FANCB: variants seen among roughly 807,000 people sequenced by gnomAD.
The protein encoded by FANCB is Fanconi anemia group B protein.
FANCB carries 5 observed loss-of-function variants against 38.9 expected under a neutral mutation model. The observed-to-expected ratio is 0.13, with a 90% CI of 0.07 to 0.27. The LOEUF (loss-of-function observed/expected upper bound fraction) is 0.27, where lower values mean the gene tolerates loss of function less well. Ranked by LOEUF, FANCB falls within the 10% of genes least tolerant of loss-of-function variation. The pLI is 1.00. For missense variants in FANCB, 573 were observed against 602.7 expected (o/e 0.95, Z 0.52); for synonymous variants, 236 against 215.4 (o/e 1.10, Z -0.84).
At chrX:14,725,999 A>G in the FANCB span, among the ~76,000 whole-genome samples, 1 of 112,485 alleles carries the variant, frequency 8.9e-6, no homozygotes, top group East Asian at 2.8e-4. Context: ...CTCAGTTACT[A>G]AAGATGGAAG....
At chrX:14,702,946 C>T in the FANCB span, among the ~76,000 whole-genome samples, 1 of 110,934 alleles carries the variant, frequency 9.0e-6, no homozygotes, top group Non-Finnish European at 1.9e-5. Flanking sequence ...AGAGGGGGCT[C>T]ACTTGTCTAG....
chrX:14,728,472 T>G, the FANCB span, among the ~76,000 whole-genome samples: 1 of 112,121 alleles, frequency 8.9e-6, no homozygotes, highest in Admixed American at 9.5e-5. Flanking sequence ...TACTAATGTA[T>G]CAAGCAAATG....
the FANCB span, among the ~76,000 whole-genome samples, chrX:14,817,100 C>T: frequency 9.0e-6 from 1 of 111,319 alleles, no homozygotes; most frequent in Non-Finnish European, 1.9e-5. Context: ...GAGAATTCCC[C>T]ACTGTTTTTA....
chrX:14,824,890 G>A, the FANCB span, among the ~76,000 whole-genome samples: 57 of 111,963 alleles, frequency 5.1e-4, no homozygotes, highest in Non-Finnish European at 9.0e-4. Flanking sequence ...TCCATGTTCT[G>A]TCCAAATATT....
chrX:14,798,027 T>C, the FANCB span, among the ~76,000 whole-genome samples: 16 of 112,088 alleles, frequency 1.4e-4, no homozygotes, highest in Non-Finnish European at 2.6e-4. Context: ...AGCCTTAATG[T>C]TATACCATAT....
At chrX:14,707,079 G>A in the FANCB span, among the ~76,000 whole-genome samples, 14 of 111,628 alleles carry the variant, frequency 1.3e-4, no homozygotes, top group Non-Finnish European at 2.3e-4. Context: ...TCCCAGCCAA[G>A]TACCCTATCC....
chrX:14,782,468 C>T, the FANCB span, among the ~76,000 whole-genome samples: 2 of 112,355 alleles, frequency 1.8e-5, no homozygotes, highest in Non-Finnish European at 3.8e-5. Flanking sequence ...CATTTTAACA[C>T]GAGACTCTGA....
the FANCB span, among the ~76,000 whole-genome samples, chrX:14,821,965 CG>C: frequency 1.8e-5 from 2 of 111,901 alleles, no homozygotes; most frequent in Admixed American, 9.5e-5. Context: ...TTTGAAGAGA[CG>C]GGAGAAATCC....
chrX:14,714,635 G>T, the FANCB span, among the ~76,000 whole-genome samples: 32 of 111,700 alleles, frequency 2.9e-4, no homozygotes, highest in Non-Finnish European at 7.5e-5. Flanking sequence ...CCCCACTACT[G>T]GGGGTGAAGT....
intron 2 of FANCB, among the ~76,000 whole-genome samples, chrX:14,866,805 T>C (rs1453793834): frequency 2.7e-5 from 3 of 111,854 alleles, no homozygotes; most frequent in Non-Finnish European, 5.7e-5. Context: ...CTGTCCTTGT[T>C]TGCAGATGCC....
the FANCB span, among the ~76,000 whole-genome samples, chrX:14,798,195 C>T: frequency 2.8e-5 from 3 of 108,377 alleles, no homozygotes; most frequent in African/African-American, 1.0e-4. Flanking sequence ...GTTGCTCAGG[C>T]TGGAATGCGG....
At chrX:14,775,602 T>G in the FANCB span, among the ~76,000 whole-genome samples, 1 of 111,861 alleles carries the variant, frequency 8.9e-6, no homozygotes, top group Non-Finnish European at 1.9e-5. Flanking sequence ...TGAGGCTGTC[T>G]GGGCCTCTCT....
At chrX:14,762,199 G>T in the FANCB span, among the ~76,000 whole-genome samples, 2 of 111,322 alleles carry the variant, frequency 1.8e-5, no homozygotes, top group Admixed American at 1.9e-4. Context: ...TGGCAGAAGA[G>T]ATGGGAGGAA....
chrX:14,851,122 T>G (rs2092399707), intron 6 of FANCB, among the ~76,000 whole-genome samples: 1 of 112,490 alleles, frequency 8.9e-6, no homozygotes, highest in African/African-American at 3.2e-5. Context: ...AATTTTATTC[T>G]TAAAGTCCAA....
chrX:14,707,720 A>C, the FANCB span, among the ~76,000 whole-genome samples: 1 of 108,279 alleles, frequency 9.2e-6, no homozygotes, highest in Non-Finnish European at 1.9e-5. Context: ...CCTGGTTAGT[A>C]ATGGAAAATA....
At chrX:14,838,478 G>A (rs1267888522), downstream of FANCB, among the ~76,000 whole-genome samples, 1 of 111,266 alleles carries the variant, frequency 9.0e-6, no homozygotes, top group East Asian at 2.8e-4. Flanking sequence ...GTCTCCTTCA[G>A]ATTCTACCAC....
chrX:14,753,927 TAGAA>T, the FANCB span, among the ~76,000 whole-genome samples: 1 of 112,231 alleles, frequency 8.9e-6, no homozygotes, highest in African/African-American at 3.2e-5. Flanking sequence ...AATATGCTAT[TAGAA>T]AGAATATGCA....
chrX:14,785,138 C>A, the FANCB span, among the ~76,000 whole-genome samples: 1 of 111,653 alleles, frequency 9.0e-6, no homozygotes, highest in African/African-American at 3.3e-5. Flanking sequence ...ATGTAACAAA[C>A]CTGTGCATCC....
chrX:14,855,048 C>T lies in FANCB; in HGVS notation c.1198-1881G>A, dbSNP rs894026059. On this transcript the variant is annotated intron_variant, in intron 5 of 9. Transcript: ENST00000650831. Reference sequence around the variant, plus strand: ...ATTCCTTCCGTTGCTTTACAGTATTCCATCATATGACTACCCACGATTTAC... The same window carrying T: ...ATTCCTTCCGTTGCTTTACAGTATTTCATCATATGACTACCCACGATTTAC... Among the ~76,000 whole-genome samples, 3 of 111,708 alleles carry T rather than the reference C, an allele frequency of 2.7e-5. No homozygotes were observed. In the East Asian group the frequency reaches 8.4e-4, roughly 31 times the overall value.
Sources: gnomAD v4.1 joint callset for allele counts (sites outside exome capture counted in the v4.1 genomes callset) on GRCh38, gnomAD v4.1.1 for gene constraint, MANE v1.5 for transcripts, NCBI Gene and HGNC (gene_info 2026-07-23, HGNC 2026-07-21) for gene names.